The following XPNPEP1 variants were observed in gnomAD, a reference collection of about 807,000 sequenced individuals.
The protein encoded by XPNPEP1 is xaa-Pro aminopeptidase 1.
A neutral mutation model predicts 92.4 loss-of-function variants in XPNPEP1; 39 were observed. The ratio of observed to expected loss-of-function variants is 0.42; its 90% CI spans 0.33 to 0.55. XPNPEP1 has a LOEUF of 0.55. Ranked by LOEUF, XPNPEP1 falls within the 20% of genes least tolerant of loss-of-function variation. XPNPEP1 has a pLI of 0.08. For synonymous variants in XPNPEP1, 307 were observed against 299.4 expected (o/e 1.03, Z -0.26); for missense variants, 654 against 856.1 (o/e 0.76, Z 2.95).
rs141360335 is a variant in XPNPEP1 at position 109,882,480 on chromosome 10, C to T, written c.993G>A (p.Val331=). 1.9e-5 allele frequency: 30 copies of T among 1,614,094 alleles called. No individual in the cohort carries two copies. Among genetic ancestry groups the T allele is most frequent in the Non-Finnish European group, 2.2e-5 (26 of 1,180,022 alleles). Residue 331 remains valine, a synonymous_variant, in exon 10 of 21, where the codon GTG becomes GTA. Coordinates refer to ENST00000502935, the MANE Select transcript of XPNPEP1 (RefSeq NM_020383.4). Reference sequence around the variant, plus strand: ...CATAGCTGGCCTTGTCACTGACCCACACCTTCTCCCTTGGGGAGAGGTCAG... The same window carrying T: ...CATAGCTGGCCTTGTCACTGACCCATACCTTCTCCCTTGGGGAGAGGTCAG... ...LCADLSPREK[V]WVSDKASYAV...
At chr10:109,916,942 T>A (rs1441577631) in intron 1 of XPNPEP1, among the ~76,000 whole-genome samples, 1 of 152,190 alleles carries the variant, frequency 6.6e-6, no homozygotes, top group Non-Finnish European at 1.5e-5. Context: ...AAGTTAAAAG[T>A]ACTCAGCAAA....
At position 109,888,014 on chromosome 10, in the gene XPNPEP1, C is replaced by G. The variant is rs1346448839; in HGVS notation, c.652+35G>C. The stretch of plus-strand genomic sequence containing the variant: ...ATAGCAAGAGGTGGGGGGACAATGG[C>G]AGGGGCCCTGCTGGGCAGAACCATT... On this transcript the variant is annotated intron_variant, in intron 7 of 20. Transcript: ENST00000502935. 1.9e-6 allele frequency: 3 copies of G among 1,609,166 alleles called. No individual in the cohort carries two copies. The South Asian group carries it at 3.3e-5, about 18-fold the overall frequency.
chr10:109,907,944 T>C (rs686155), intron 2 of XPNPEP1, 129 bp from the exon 3 acceptor site: 1,373,655 of 1,378,616 alleles, frequency 1, 684,471 homozygotes, highest in East Asian at 1. Flanking sequence ...TTCAAATTGA[T>C]CACTCCACCA....
At position 109,868,624 on chromosome 10, in the gene XPNPEP1, G is replaced by A; in HGVS notation, c.1862C>T (p.Thr621Ile). The A allele has an allele frequency of 6.2e-7, 1 of 1,613,652 alleles. No individual in the cohort carries two copies. Among genetic ancestry groups the A allele is most frequent in the East Asian group, 2.2e-5 (1 of 44,870 alleles). ...QTKMIDVDSL[T>I]DKECDWLNNY... The stretch of plus-strand genomic sequence containing the variant: ...AGACTTCCCCATTACCTCTTTGTCT[G>A]TAAGAGAATCCACATCTATCATTTT... The change falls in exon 20 of 21, where the codon ACA (threonine) becomes ATA (isoleucine). Residue 621 changes from threonine (T) to isoleucine (I), a missense_variant. By Grantham distance (89) the Thr-to-Ile change is moderately conservative. Coordinates refer to ENST00000502935, the MANE Select transcript of XPNPEP1 (RefSeq NM_020383.4).
chr10:109,868,389 G>T (rs1319882256), intron 20 of XPNPEP1, among the ~76,000 whole-genome samples: 2 of 151,598 alleles, frequency 1.3e-5, no homozygotes, highest in African/African-American at 2.4e-5. Flanking sequence ...ATGGCTGCGG[G>T]AAACAGGACT....
At chr10:109,908,264 T>C (rs376887843) in intron 2 of XPNPEP1, among the ~76,000 whole-genome samples, 1 of 152,254 alleles carries the variant, frequency 6.6e-6, no homozygotes, top group African/African-American at 2.4e-5. Flanking sequence ...CATAGACTTA[T>C]ATATTTGATT....
intron 3 of XPNPEP1, among the ~76,000 whole-genome samples, chr10:109,896,486 C>A (rs1243810702): frequency 6.9e-6 from 1 of 145,522 alleles, no homozygotes; most frequent in East Asian, 2.0e-4. Context: ...GCCAGGCTGG[C>A]CTTGAACTTC....
At chr10:109,891,470 C>A (rs980188204) in intron 5 of XPNPEP1, 2 of 345,394 alleles carry the variant, frequency 5.8e-6, no homozygotes, top group Non-Finnish European at 1.0e-5. Flanking sequence ...TGATCTGCAG[C>A]AAATCAACTG....
chr10:109,918,209 TC>T (rs199943892), intron 1 of XPNPEP1, among the ~76,000 whole-genome samples: 123 of 148,742 alleles, frequency 8.3e-4, no homozygotes, highest in East Asian at 5.8e-3. Flanking sequence ...ACTGCCTGAG[TC>T]CCAGGGTTCG....
At chr10:109,923,342 C>A (rs1056955658) in intron 1 of XPNPEP1, 60 bp downstream of exon 1, 115 of 1,385,104 alleles carry the variant, frequency 8.3e-5, no homozygotes, top group Non-Finnish European at 1.0e-4. Context: ...GCAACACGCG[C>A]GGCCGCGCAG....
intron 2 of XPNPEP1, 78 bp downstream of exon 2, chr10:109,914,933 C>T: frequency 1.2e-6 from 1 of 852,448 alleles, no homozygotes; most frequent in Non-Finnish European, 1.7e-6. Context: ...CCCTCTTCTT[C>T]TCACCCAACC....
At position 109,923,424 on chromosome 10, in the gene XPNPEP1, A is replaced by C; in HGVS notation, c.10T>G (p.Ser4Ala). MAA[S>A]RKPPRVRVNH... The stretch of plus-strand genomic sequence containing the variant: ...CACCTTACTCGCGGTGGCTTTCTGG[A>C]GGCTGCCATTCGGCGGTGACGTGCC... The change falls in exon 1 of 21, where the codon TCC becomes GCC. Residue 4 changes from serine to alanine, a missense_variant. Transcript: ENST00000502935. 6.9e-7 allele frequency: 1 copy of C among 1,442,422 alleles called. No individual in the cohort carries two copies. The highest frequency in any genetic ancestry group is 3.2e-5 in the East Asian group (1 of 31,102). The allele number at this position is 1,442,422 out of a possible 1,614,324, so 89.4% of individuals were successfully genotyped here. A position where few individuals can be genotyped will look rare whatever the true frequency, so the allele number is the denominator to read the frequency against.
At chr10:109,921,753 G>C (rs1002176608) in intron 1 of XPNPEP1, among the ~76,000 whole-genome samples, 1 of 152,190 alleles carries the variant, frequency 6.6e-6, no homozygotes, top group Non-Finnish European at 1.5e-5. Context: ...GGGGTTCAAA[G>C]CAGTCTTATC....
At chr10:109,883,766 T>C (rs569422300) in intron 9 of XPNPEP1, 91 of 274,344 alleles carry the variant, frequency 3.3e-4, no homozygotes, top group Non-Finnish European at 5.2e-4. Context: ...GGACCCAGAA[T>C]TGTATAATTG....
chr10:109,885,827 T>C (rs986794851), intron 8 of XPNPEP1, among the ~76,000 whole-genome samples: 1 of 152,210 alleles, frequency 6.6e-6, no homozygotes, highest in Non-Finnish European at 1.5e-5. Flanking sequence ...AGTTCCTAGT[T>C]TTCTGAGGTA....
intron 6 of XPNPEP1, 50 bp from the exon 7 acceptor site, chr10:109,888,242 A>AG: frequency 6.3e-7 from 1 of 1,590,346 alleles, no homozygotes; most frequent in Non-Finnish European, 8.5e-7. Context: ...CCATTGCAGC[A>AG]GGGCAGGGAG....
At chr10:109,890,587 TGTGTGTGAGAGAGA>T (rs1381532963) in intron 5 of XPNPEP1, among the ~76,000 whole-genome samples, 19 of 91,478 alleles carry the variant, frequency 2.1e-4, no homozygotes, top group Admixed American at 6.9e-4. Context: ...TGTGTGTGTG[TGTGTGTGAGAGAGA>T]GAGAGAGAGA....
chr10:109,888,879 T>C (rs1054698309), intron 5 of XPNPEP1, among the ~76,000 whole-genome samples: 10 of 152,154 alleles, frequency 6.6e-5, no homozygotes, highest in Admixed American at 2.6e-4. Context: ...ATCTTGGGGA[T>C]CACTGCCACG....
chr10:109,890,948 C>T (rs1292497289), intron 5 of XPNPEP1, among the ~76,000 whole-genome samples: 1 of 152,178 alleles, frequency 6.6e-6, no homozygotes, highest in African/African-American at 2.4e-5. Context: ...TATTTTGTTT[C>T]ATCTTCTCTT....
Sources: gnomAD v4.1 joint callset for allele counts (sites outside exome capture counted in the v4.1 genomes callset) on GRCh38, gnomAD v4.1.1 for gene constraint, MANE v1.5 for transcripts, NCBI Gene and HGNC (gene_info 2026-07-23, HGNC 2026-07-21) for gene names.